ZNF28: variants seen among roughly 807,000 people sequenced by gnomAD.
ZNF28 encodes zinc finger protein 28, also known as zinc finger protein KOX24.
Under a neutral mutation model 7.2 loss-of-function variants are expected in ZNF28, and 5 were observed. The ratio of observed to expected loss-of-function variants is 0.70; its 90% CI spans 0.36 to 1.46. ZNF28 has a LOEUF of 1.46. ZNF28 is among the 40% of genes most tolerant of loss of function. ZNF28 has a pLI of 0.03. For missense variants in ZNF28, 879 were observed against 866.6 expected, an observed-to-expected ratio of 1.01 and a Z score of -0.18; for synonymous variants, 288 against 292.4, an observed-to-expected ratio of 0.99 and a Z score of 0.15.
Position 52,818,010 on chromosome 19 carries a change from C to T in ZNF28, c.-52G>A. 3 of 1,608,920 alleles carry T rather than the reference C, an allele frequency of 1.9e-6. No homozygotes were observed. Among genetic ancestry groups the T allele is most frequent in the Non-Finnish European group, 2.5e-6 (3 of 1,178,806 alleles). ...TCTTCTGGGTTTCTTCCTCACGTAC[C>T]AAGATTCTTTAGAAGTCAATCCTGA... On this transcript the variant is annotated 5_prime_UTR_variant, in exon 2 of 4. Transcript: ENST00000457749.
chr19:52,812,762 T>TTA (rs1474315343), intron 2 of ZNF28, among the ~76,000 whole-genome samples: 364 of 75,406 alleles, frequency 4.8e-3, no homozygotes, highest in African/African-American at 1.0e-2. Flanking sequence ...GAATGATCAA[T>TTA]AAAAAAAAAA....
chr19:52,804,276 C>A (rs573287302), intron 3 of ZNF28, among the ~76,000 whole-genome samples: 1 of 152,166 alleles, frequency 6.6e-6, no homozygotes, highest in Non-Finnish European at 1.5e-5. Flanking sequence ...TTGTCTTAAG[C>A]CTCCCAGTTT....
chr19:52,817,679 C>T (rs2147687413), intron 2 of ZNF28, among the ~76,000 whole-genome samples: 1 of 152,216 alleles, frequency 6.6e-6, no homozygotes, highest in Admixed American at 6.5e-5. Flanking sequence ...AGCACTGACA[C>T]CACGGGACCC....
chr19:52,800,920 T>G lies in ZNF28; in HGVS notation c.925A>C (p.Ser309Arg). 6.2e-7 allele frequency: 1 copy of G among 1,614,158 alleles called. No homozygotes were observed. The highest frequency in any genetic ancestry group is 1.1e-5 in the South Asian group (1 of 91,084). The change falls in exon 4 of 4, where the codon AGT (serine) becomes CGT (arginine). Residue 309 changes from serine (S) to arginine (R), a missense_variant. Physicochemically the swap from Ser to Arg is moderately radical, Grantham distance 110. Transcript: ENST00000457749. ...YECEECDKVF[S>R]RKSHLETHKI... ...TGTGTTTCAAGGTGTGATTTGCGAC[T>G]GAAAACTTTGTCACATTCTTCACAT... is the stretch of plus-strand genomic sequence containing the variant.
chr19:52,799,481 T>C lies in ZNF28; in HGVS notation c.*207A>G, dbSNP rs2062833770. The C allele has an allele frequency of 1.0e-5, 10 of 956,986 alleles. No homozygotes were observed. The highest frequency in any genetic ancestry group is 1.6e-5 in the African/African-American group (1 of 61,340). The allele number at this position is 956,986 out of a possible 1,614,324, so 59.3% of individuals were successfully genotyped here. A position where few individuals can be genotyped will look rare whatever the true frequency, so the allele number is the denominator to read the frequency against. ...GAATTCTATGATGACGTGCAAGGGT[T>C]GTTTTTTGATTAAAAACCTTGCCAC... On this transcript the variant is annotated 3_prime_UTR_variant, in exon 4 of 4. Transcript: ENST00000457749.
At chr19:52,809,822 A>AGGCAGCGGCGGCGGC (rs202197218) in intron 2 of ZNF28, 24 of 527,232 alleles carry the variant, frequency 4.6e-5, no homozygotes, top group Non-Finnish European at 6.4e-5. Flanking sequence ...TGAGCGGCGA[A>AGGCAGCGGCGGCGGC]GGCGGCGGCG....
chr19:52,810,579 C>T (rs1203862736), intron 2 of ZNF28: 5 of 1,589,346 alleles, frequency 3.1e-6, no homozygotes, highest in Non-Finnish European at 4.3e-6. Flanking sequence ...CTTCCACGAG[C>T]CCGCTACCGC....
intron 2 of ZNF28, 65 bp from the exon 3 acceptor site, chr19:52,808,198 AAG>A: frequency 6.3e-7 from 1 of 1,594,972 alleles, no homozygotes; most frequent in African/African-American, 1.3e-5. Context: ...AGAAAATGAC[AAG>A]AGAGGGGGAA....
chr19:52,818,393 A>G lies in ZNF28; in HGVS notation c.-73-362T>C, dbSNP rs1844176562. Among the ~76,000 whole-genome samples the G allele has an allele frequency of 2.0e-5, 3 of 152,126 alleles. No homozygotes were observed. In the South Asian group the frequency reaches 6.2e-4, roughly 32 times the overall value. ...GAAGTTCGAGACCAGCCTGGCCAAC[A>G]TGGAGAAACCCTCTCTCTACTAAAA... On this transcript the variant is annotated intron_variant, in intron 1 of 3. Transcript: ENST00000457749.
At position 52,799,507 on chromosome 19, in the gene ZNF28, A is replaced by G; in HGVS notation, c.*181T>C. The G allele has an allele frequency of 8.5e-7, 1 of 1,181,612 alleles. No individual in the cohort carries two copies. Among genetic ancestry groups the G allele is most frequent in the Admixed American group, 2.0e-5 (1 of 51,248 alleles). The allele number at this position is 1,181,612 out of a possible 1,614,324, so 73.2% of individuals were successfully genotyped here. ...GTTTTTTGATTAAAAACCTTGCCAC[A>G]TTCATTACACTTGTAAAGTTTCTCT... On this transcript the variant is annotated 3_prime_UTR_variant, in exon 4 of 4. Coordinates refer to ENST00000457749, the MANE Select transcript of ZNF28 (RefSeq NM_006969.5).
At chr19:52,811,031 A>G (rs1187894693) in intron 2 of ZNF28, among the ~76,000 whole-genome samples, 2 of 139,872 alleles carry the variant, frequency 1.4e-5, no homozygotes, top group Non-Finnish European at 3.1e-5. Flanking sequence ...CTGCGATTGC[A>G]GGCACGCGCC....
chr19:52,811,816 C>T (rs1187671672), intron 2 of ZNF28, among the ~76,000 whole-genome samples: 6 of 144,496 alleles, frequency 4.2e-5, no homozygotes, highest in East Asian at 4.3e-4. Flanking sequence ...TGAGGGGCTC[C>T]TCTGCCCGGC....
At chr19:52,815,634 C>A (rs1239866455) in intron 2 of ZNF28, among the ~76,000 whole-genome samples, 1 of 146,468 alleles carries the variant, frequency 6.8e-6, no homozygotes, top group Non-Finnish European at 1.5e-5. Context: ...ACCATCCTGG[C>A]TACCACAATG....
At chr19:52,815,790 A>C (rs2063116702) in intron 2 of ZNF28, among the ~76,000 whole-genome samples, 1 of 146,120 alleles carries the variant, frequency 6.8e-6, no homozygotes, top group Non-Finnish European at 1.5e-5. Flanking sequence ...GCACCACTGC[A>C]CTCCAGCCTG....
chr19:52,809,805 C>T, intron 2 of ZNF28: 1 of 463,334 alleles, frequency 2.2e-6, no homozygotes. Context: ...AAAAAAGGAG[C>T]CCAGTCTGAG....
At chr19:52,810,803 G>C in intron 2 of ZNF28, 1 of 417,980 alleles carries the variant, frequency 2.4e-6, no homozygotes, top group Non-Finnish European at 4.2e-6. Context: ...AGATGACCTT[G>C]ATGGAAAAAA....
chr19:52,818,672 A>G (rs1009428757), intron 1 of ZNF28, among the ~76,000 whole-genome samples: 3 of 151,766 alleles, frequency 2.0e-5, no homozygotes, highest in African/African-American at 7.3e-5. Context: ...GCGCCACTCC[A>G]CTCCTGCCTG....
intron 3 of ZNF28, chr19:52,805,596 C>T (rs568084005): frequency 4.0e-5 from 6 of 150,918 alleles, no homozygotes; most frequent in South Asian, 2.1e-4. Context: ...CACTGCACTC[C>T]GGCCTGGGCG....
At chr19:52,810,141 C>A in intron 2 of ZNF28, 1 of 897,798 alleles carries the variant, frequency 1.1e-6, no homozygotes, top group Non-Finnish European at 1.9e-6. Flanking sequence ...CGAGGGTGAC[C>A]CGGGGCTGGA....
Sources: allele counts gnomAD v4.1 joint callset (sites outside exome capture counted in the v4.1 genomes callset), GRCh38; gene constraint gnomAD v4.1.1; transcripts MANE v1.5; gene names NCBI Gene and HGNC (gene_info 2026-07-23, HGNC 2026-07-21).